Variants in RIN2 observed in about 807,000 individuals in gnomAD.
RIN2 encodes RAB5 interacting protein 2.
Under a neutral mutation model 78.0 loss-of-function variants are expected in RIN2, and 36 were observed. That is an observed-to-expected ratio of 0.46 (90% CI 0.35 to 0.61). RIN2 has a LOEUF of 0.61. RIN2 is among the 20% of genes least tolerant of loss of function. RIN2 has a pLI of 0.00. For missense variants in RIN2, 1,087 were observed against 1,159.7 expected, an observed-to-expected ratio of 0.94 and a Z score of 0.91; for synonymous variants, 466 against 466.8, an observed-to-expected ratio of 1.00 and a Z score of 0.02.
chr20:19,930,805 T>C (rs1398486615), intron 3 of RIN2, among the ~76,000 whole-genome samples: 2 of 152,220 alleles, frequency 1.3e-5, no homozygotes, highest in African/African-American at 4.8e-5. Flanking sequence ...CCTTCACTCC[T>C]TCCATTTTCA....
intron 2 of RIN2, among the ~76,000 whole-genome samples, chr20:19,887,680 TG>T (rs1014532029): frequency 6.6e-6 from 1 of 152,222 alleles, no homozygotes; most frequent in East Asian, 1.9e-4. Flanking sequence ...CAAAATTCCC[TG>T]TCTGCCCTGG....
chr20:19,861,945 T>G (rs1385229122), intron 2 of RIN2, among the ~76,000 whole-genome samples: 3 of 136,166 alleles, frequency 2.2e-5, no homozygotes, highest in Non-Finnish European at 4.7e-5. Context: ...TCTGATCATC[T>G]TCCATATTTG....
rs77509163 is a variant in RIN2, at chr20:19,927,098, C to T, written c.58-8001C>T. ...ACAGGCAGGAGGAGATTGGACTCCGCGGACATTGTTTCTTTGTAGTCCCAG... is the reference window on the plus strand; with the variant it reads ...ACAGGCAGGAGGAGATTGGACTCCGTGGACATTGTTTCTTTGTAGTCCCAG... On this transcript the variant is annotated intron_variant, in intron 3 of 12. Coordinates refer to ENST00000255006, the MANE Select transcript of RIN2 (RefSeq NM_018993.4). Among the ~76,000 whole-genome samples, 777 of 152,332 alleles carry T rather than the reference C, an allele frequency of 5.1e-3. 5 individuals carry two copies. Among genetic ancestry groups the T allele is most frequent in the African/African-American group, 0.017 (712 of 41,568 alleles).
intron 3 of RIN2, among the ~76,000 whole-genome samples, chr20:19,932,468 T>TA (rs942453872): frequency 7.2e-5 from 11 of 152,292 alleles, no homozygotes; most frequent in African/African-American, 2.4e-4. Context: ...TCAGACTTTT[T>TA]AAAAAAACTT....
chr20:19,984,480 C>T (rs6046511), intron 9 of RIN2, among the ~76,000 whole-genome samples: 57,513 of 152,000 alleles, frequency 0.38, 13,004 homozygotes, highest in African/African-American at 0.63. Flanking sequence ...AACAGAATCT[C>T]ATGGGGCCAG....
intron 4 of RIN2, among the ~76,000 whole-genome samples, chr20:19,942,876 C>A (rs1222849490): frequency 6.6e-6 from 1 of 152,222 alleles, no homozygotes; most frequent in Non-Finnish European, 1.5e-5. Flanking sequence ...ATGTCACCAG[C>A]AGCATACTCC....
chr20:19,985,477 G>C (rs2042592791), intron 9 of RIN2, among the ~76,000 whole-genome samples: 1 of 152,150 alleles, frequency 6.6e-6, no homozygotes, highest in Non-Finnish European at 1.5e-5. Flanking sequence ...CAGAAAACTT[G>C]TTTCCAGTTT....
intron 2 of RIN2, among the ~76,000 whole-genome samples, chr20:19,846,276 T>C (rs1219009078): frequency 2.6e-5 from 4 of 152,230 alleles, no homozygotes; most frequent in African/African-American, 9.6e-5. Context: ...AAGTCAATGG[T>C]AGCTTGATGG....
In RIN2 at chr20:19,958,577, C is replaced by T. The variant is rs999678944; in HGVS notation, c.351+1770C>T. Among the ~76,000 whole-genome samples, 7 of 152,250 alleles carry T rather than the reference C, an allele frequency of 4.6e-5. No individual in the cohort carries two copies. The East Asian group carries it at 5.8e-4, about 13-fold the overall frequency. ...CGTGGACCAGGACAGTCAAGAATAA[C>T]GAAGGGAGAGGCCAGGCATGGTGGC... On this transcript the variant is annotated intron_variant, in intron 5 of 12. Coordinates refer to ENST00000255006, the MANE Select transcript of RIN2 (RefSeq NM_018993.4).
chr20:19,918,804 A>T (rs1033898498), intron 3 of RIN2, among the ~76,000 whole-genome samples: 1 of 152,086 alleles, frequency 6.6e-6, no homozygotes, highest in Non-Finnish European at 1.5e-5. Context: ...ACAAAATGAC[A>T]TCTGGGATGA....
chr20:19,868,019 G>A (rs555765236), intron 2 of RIN2, among the ~76,000 whole-genome samples: 22 of 152,324 alleles, frequency 1.4e-4, no homozygotes, highest in African/African-American at 5.3e-4. Flanking sequence ...GTCTGGCGTG[G>A]GGCATGCTGG....
At chr20:19,941,487 A>G (rs186081087) in intron 4 of RIN2, among the ~76,000 whole-genome samples, 5 of 152,304 alleles carry the variant, frequency 3.3e-5, no homozygotes, top group Admixed American at 2.6e-4. Flanking sequence ...CTGAAGTAAA[A>G]CATAACTCAG....
At chr20:19,806,619 G>T (rs562302799) in intron 2 of RIN2, among the ~76,000 whole-genome samples, 1 of 152,280 alleles carries the variant, frequency 6.6e-6, no homozygotes, top group East Asian at 1.9e-4. Flanking sequence ...AAACTGAGCT[G>T]GGTGTGATGG....
intron 4 of RIN2, among the ~76,000 whole-genome samples, chr20:19,944,356 C>G (rs894296907): frequency 6.6e-6 from 1 of 152,270 alleles, no homozygotes; most frequent in Middle Eastern, 3.4e-3. Context: ...ATCCAGGCAT[C>G]TTGGCTGCAG....
chr20:19,997,265 C>T lies in RIN2; in HGVS notation c.2364+423C>T, dbSNP rs548376966. Among the ~76,000 whole-genome samples the T allele has an allele frequency of 5.3e-5, 8 of 152,334 alleles. No individual in the cohort carries two copies. The South Asian group carries it at 1.7e-3, about 32-fold the overall frequency. ...CTTTTCTCTCGCCCACTCTCCAAAA[C>T]AGAAGACCCCAGAATCTCAGCAGCA... is the stretch of plus-strand genomic sequence containing the variant. On this transcript the variant is annotated intron_variant, in intron 12 of 12. Coordinates refer to ENST00000255006, the MANE Select transcript of RIN2 (RefSeq NM_018993.4).
chr20:19,883,187 G>A (rs1343841858), intron 2 of RIN2, among the ~76,000 whole-genome samples: 1 of 152,170 alleles, frequency 6.6e-6, no homozygotes, highest in Non-Finnish European at 1.5e-5. Flanking sequence ...ACCGGTGCAG[G>A]AGAAGCCATC....
Position 19,992,915 on chromosome 20 carries a change from G to GT in RIN2, c.2200+624dup, listed in dbSNP as rs898138613. Among the ~76,000 whole-genome samples the GT allele has an allele frequency of 2.6e-4, 40 of 151,938 alleles. No individual in the cohort carries two copies. The South Asian group carries it at 5.6e-3, about 21-fold the overall frequency. ...TGAAAACAGTATTAATTTTTTTCCAGTTTTTTTTAAGTATCTTTTCATTTT... is the reference window on the plus strand; with the variant it reads ...TGAAAACAGTATTAATTTTTTTCCAGTTTTTTTTTAAGTATCTTTTCATTTT... On this transcript the variant is annotated intron_variant, in intron 11 of 12. Transcript: ENST00000255006.
At chr20:19,834,230 C>T (rs2123025211) in intron 2 of RIN2, among the ~76,000 whole-genome samples, 1 of 152,312 alleles carries the variant, frequency 6.6e-6, no homozygotes, top group East Asian at 1.9e-4. Flanking sequence ...AAACCACTGG[C>T]ATGAGCAGCA....
chr20:19,876,118 T>C (rs1452563897), intron 2 of RIN2, among the ~76,000 whole-genome samples: 1 of 152,206 alleles, frequency 6.6e-6, no homozygotes, highest in African/African-American at 2.4e-5. Context: ...AAATGACTGC[T>C]TCTCGTACTT....
Sources: gnomAD v4.1 joint callset for allele counts (sites outside exome capture counted in the v4.1 genomes callset) on GRCh38, gnomAD v4.1.1 for gene constraint, MANE v1.5 for transcripts, NCBI Gene and HGNC (gene_info 2026-07-23, HGNC 2026-07-21) for gene names.